Variants in ERC2 observed in about 807,000 individuals in gnomAD.
ERC2 encodes the protein ELKS/RAB6-interacting/CAST family member 2.
In ERC2, 42 loss-of-function variants were observed where a neutral mutation model predicts 114.8. The ratio of observed to expected loss-of-function variants is 0.37; its 90% confidence interval spans 0.29 to 0.47. ERC2 has a LOEUF of 0.47. ERC2 is among the 20% of genes least tolerant of loss of function. The pLI is 0.99. For synonymous variants in ERC2, 454 were observed against 425.5 expected, an observed-to-expected ratio of 1.07 and a Z score of -0.82; for missense variants, 939 against 1,150.7, an observed-to-expected ratio of 0.82 and a Z score of 2.66.
chr3:55,515,662 T>C (rs1197994798), intron 17 of ERC2, among the ~76,000 whole-genome samples: 4 of 147,492 alleles, frequency 2.7e-5, no homozygotes, highest in African/African-American at 1.0e-4. Flanking sequence ...CAGTATTGGG[T>C]GGGACTGCTG....
chr3:55,726,281 A>G (rs969740670), intron 15 of ERC2, among the ~76,000 whole-genome samples: 55 of 152,186 alleles, frequency 3.6e-4, no homozygotes, highest in African/African-American at 1.3e-3. Context: ...TCCAAACACA[A>G]CAGGAGGCTA....
intron 4 of ERC2, among the ~76,000 whole-genome samples, chr3:56,163,453 C>G (rs1393547734): frequency 6.6e-6 from 1 of 152,026 alleles, no homozygotes. Flanking sequence ...CTGTCTAATG[C>G]TCACAGTGGG....
chr3:55,698,139 G>A lies in ERC2; in HGVS notation c.2847+1239C>T, dbSNP rs542506438. Among the ~76,000 whole-genome samples, 6 of 152,030 alleles carry A rather than the reference G, an allele frequency of 3.9e-5. No homozygotes were observed. In the East Asian group the frequency reaches 9.7e-4, roughly 25 times the overall value. On this transcript the variant is annotated intron_variant, in intron 16 of 17. Transcript: ENST00000288221. Reference sequence around the variant, plus strand: ...GAGCTAAAACATGAAATCATGCCCTGTCTGTACTTGGCTTCGGAAATCTAG... The same window carrying A: ...GAGCTAAAACATGAAATCATGCCCTATCTGTACTTGGCTTCGGAAATCTAG...
intron 15 of ERC2, among the ~76,000 whole-genome samples, chr3:55,721,961 G>A (rs1193918922): frequency 6.6e-6 from 1 of 152,204 alleles, no homozygotes; most frequent in Non-Finnish European, 1.5e-5. Flanking sequence ...AAATAAGCCA[G>A]CTGCAAGATA....
In ERC2 at chr3:55,798,977, A is replaced by C. The variant is rs147556246; in HGVS notation, c.2565-64059T>G. On this transcript the variant is annotated intron_variant, in intron 14 of 17. Transcript: ENST00000288221. The stretch of plus-strand genomic sequence containing the variant: ...ATAATGTCCAATTTATTGCTAAAAA[A>C]ATAAATAATAAAGTACTAGACAAGA... Among the ~76,000 whole-genome samples the C allele has an allele frequency of 9.8e-5, 15 of 152,336 alleles. No homozygotes were observed. In the East Asian group the frequency reaches 1.9e-3, roughly 20 times the overall value.
chr3:56,416,792 T>C (rs1322580370), intron 2 of ERC2, among the ~76,000 whole-genome samples: 1 of 152,078 alleles, frequency 6.6e-6, no homozygotes, highest in Non-Finnish European at 1.5e-5. Flanking sequence ...AGGCAGGAAG[T>C]TTTTTTCTAT....
chr3:55,509,717 A>G lies in ERC2; in HGVS notation c.*1599T>C, dbSNP rs1038478073. ...TCTTTTAAATATCTCTATGGCTCAC[A>G]AGAGAGGTCCAGAGTTAATTGCACC... On this transcript the variant is annotated 3_prime_UTR_variant, in exon 18 of 18. Transcript: ENST00000288221. 15 of 152,616 alleles carry G rather than the reference A, an allele frequency of 9.8e-5. No individual in the cohort carries two copies. The highest frequency in any genetic ancestry group is 2.9e-4 in the African/African-American group (12 of 41,452). 9.5% of individuals were successfully genotyped at this position (152,616 alleles called of 1,614,324 possible).
At chr3:56,336,684 C>T (rs560381878) in intron 2 of ERC2, among the ~76,000 whole-genome samples, 2 of 152,172 alleles carry the variant, frequency 1.3e-5, no homozygotes, top group South Asian at 2.1e-4. Flanking sequence ...ATCCCAGCTA[C>T]TCGGGAGGCT....
At chr3:56,377,290 T>C (rs1229230356) in intron 2 of ERC2, among the ~76,000 whole-genome samples, 1 of 152,214 alleles carries the variant, frequency 6.6e-6, no homozygotes, top group Non-Finnish European at 1.5e-5. Context: ...AGTATGATCC[T>C]TTTCCTTGAT....
intron 17 of ERC2, among the ~76,000 whole-genome samples, chr3:55,543,710 G>C (rs931991733): frequency 1.3e-5 from 2 of 152,214 alleles, no homozygotes; most frequent in Non-Finnish European, 2.9e-5. Flanking sequence ...AGGATCTGGA[G>C]GAGGGTCAGG....
intron 17 of ERC2, among the ~76,000 whole-genome samples, chr3:55,643,897 G>A (rs975048123): frequency 6.6e-6 from 1 of 152,134 alleles, no homozygotes; most frequent in Non-Finnish European, 1.5e-5. Context: ...TGGTCTCTGA[G>A]TTTCAAGATA....
At chr3:55,594,478 GTTA>G (rs1276709705) in intron 17 of ERC2, among the ~76,000 whole-genome samples, 1 of 150,980 alleles carries the variant, frequency 6.6e-6, no homozygotes, top group Non-Finnish European at 1.5e-5. Context: ...TAGTTTTATT[GTTA>G]TTATTATTAT....
chr3:55,893,118 C>T (rs1008034473), intron 13 of ERC2, among the ~76,000 whole-genome samples: 9 of 152,142 alleles, frequency 5.9e-5, no homozygotes, highest in African/African-American at 2.2e-4. Context: ...CAGAATCTGA[C>T]CATGCTGGCA....
At chr3:56,215,000 C>T (rs2049353685) in intron 3 of ERC2, among the ~76,000 whole-genome samples, 1 of 152,264 alleles carries the variant, frequency 6.6e-6, no homozygotes, top group African/African-American at 2.4e-5. Context: ...AAGCACTAAA[C>T]ATGGAAAGGA....
At chr3:56,222,128 C>T (rs1347139825) in intron 3 of ERC2, among the ~76,000 whole-genome samples, 2 of 152,082 alleles carry the variant, frequency 1.3e-5, no homozygotes, top group Non-Finnish European at 2.9e-5. Flanking sequence ...ATGCTACTAG[C>T]AACATAGGAC....
chr3:55,769,044 A>G (rs186064017), intron 14 of ERC2, among the ~76,000 whole-genome samples: 1 of 152,202 alleles, frequency 6.6e-6, no homozygotes, highest in East Asian at 1.9e-4. Context: ...TGAAATTTTA[A>G]CATCTATGAT....
At chr3:56,372,700 C>A (rs2150592660) in intron 2 of ERC2, among the ~76,000 whole-genome samples, 1 of 151,950 alleles carries the variant, frequency 6.6e-6, no homozygotes, top group Middle Eastern at 3.4e-3. Flanking sequence ...TGCACACCAG[C>A]CTGGGTGACA....
chr3:56,161,675 G>A (rs2082056260), intron 4 of ERC2, among the ~76,000 whole-genome samples: 1 of 152,032 alleles, frequency 6.6e-6, no homozygotes, highest in Admixed American at 6.6e-5. Flanking sequence ...AAATGAGACT[G>A]CATTCTTGAT....
chr3:55,901,710 A>G (rs762029259), intron 13 of ERC2, among the ~76,000 whole-genome samples: 2 of 152,228 alleles, frequency 1.3e-5, no homozygotes, highest in Non-Finnish European at 2.9e-5. Context: ...ATGCTTAATC[A>G]CGTGAGTGAC....
Sources: gnomAD v4.1 joint callset for allele counts (sites outside exome capture counted in the v4.1 genomes callset) on GRCh38, gnomAD v4.1.1 for gene constraint, MANE v1.5 for transcripts, NCBI Gene and HGNC (gene_info 2026-07-23, HGNC 2026-07-21) for gene names.